PREX1: variants seen among roughly 807,000 people sequenced by gnomAD.
The protein encoded by PREX1 is phosphatidylinositol-3,4,5-trisphosphate dependent Rac exchange factor 1.
PREX1 carries 41 observed loss-of-function variants against 198.3 expected under a neutral mutation model. That is an observed-to-expected ratio of 0.21 (90% CI 0.16 to 0.27). The LOEUF (loss-of-function observed/expected upper bound fraction) is 0.27, where lower values mean the gene tolerates loss of function less well. Ranked by LOEUF, PREX1 falls within the 10% of genes least tolerant of loss-of-function variation. The probability of loss-of-function intolerance (pLI) is 1.00; values close to 1 mark genes in which losing one functional copy is unlikely to be tolerated. For missense variants in PREX1, 1,620 were observed against 2,200.7 expected (o/e 0.74, Z 5.28); for synonymous variants, 843 against 887.2 (o/e 0.95, Z 0.89).
intron 14 of PREX1, 64 bp downstream of exon 14, chr20:48,676,129 C>T (rs1447409824): frequency 6.0e-6 from 9 of 1,494,682 alleles, no homozygotes; most frequent in Non-Finnish European, 8.4e-6. Flanking sequence ...TTAAACAAAA[C>T]AGAAAGCCCC....
the PREX1 span, among the ~76,000 whole-genome samples, chr20:48,879,419 T>C: frequency 1.3e-5 from 2 of 151,344 alleles, no homozygotes; most frequent in African/African-American, 2.5e-5. Flanking sequence ...TAATAGTTGA[T>C]AAACAGTACT....
At chr20:48,702,279 A>G (rs1337432900) in intron 6 of PREX1, among the ~76,000 whole-genome samples, 2 of 152,038 alleles carry the variant, frequency 1.3e-5, no homozygotes, top group East Asian at 1.9e-4. Context: ...GGATCCTTAG[A>G]GCCTGGGATC....
At chr20:48,708,929 T>TTA (rs1380186431) in intron 5 of PREX1, among the ~76,000 whole-genome samples, 1 of 152,180 alleles carries the variant, frequency 6.6e-6, no homozygotes, top group Non-Finnish European at 1.5e-5. Flanking sequence ...CCCGGTTTTC[T>TTA]TATCATAAGA....
At chr20:48,883,718 CTG>C in the PREX1 span, among the ~76,000 whole-genome samples, 6 of 152,140 alleles carry the variant, frequency 3.9e-5, no homozygotes, top group East Asian at 1.2e-3. Flanking sequence ...CTTGAAAACA[CTG>C]TTGAAATATT....
chr20:48,722,419 C>G (rs2089990319), intron 5 of PREX1, among the ~76,000 whole-genome samples: 1 of 152,136 alleles, frequency 6.6e-6, no homozygotes, highest in Non-Finnish European at 1.5e-5. Context: ...CTGACAGAGG[C>G]AGAAAGTAGA....
chr20:48,825,495 T>C (rs1380997123), intron 1 of PREX1, among the ~76,000 whole-genome samples: 1 of 151,408 alleles, frequency 6.6e-6, no homozygotes. Flanking sequence ...TAGAGAAATC[T>C]TTTTTTTTCC....
intron 7 of PREX1, among the ~76,000 whole-genome samples, chr20:48,700,068 G>A (rs544784914): frequency 6.6e-6 from 1 of 152,100 alleles, no homozygotes; most frequent in Non-Finnish European, 1.5e-5. Context: ...ACATGCACCT[G>A]CCTCCATCTA....
chr20:48,764,070 C>CTT (rs1233665997), intron 1 of PREX1, among the ~76,000 whole-genome samples: 1 of 152,214 alleles, frequency 6.6e-6, no homozygotes, highest in African/African-American at 2.4e-5. Context: ...TCCACTCTAA[C>CTT]CCTCTCTTGC....
intron 4 of PREX1, among the ~76,000 whole-genome samples, chr20:48,731,188 G>A (rs945936858): frequency 7.9e-5 from 12 of 151,900 alleles, no homozygotes; most frequent in African/African-American, 2.7e-4. Flanking sequence ...CTTTGCACAC[G>A]CAGGTCATCT....
chr20:48,661,430 AAAAAAAAAAAAAAAAT>A (rs1486161116), intron 15 of PREX1, among the ~76,000 whole-genome samples: 1 of 97,826 alleles, frequency 1.0e-5, no homozygotes, highest in African/African-American at 7.3e-5. Context: ...AAAAAAAAAA[AAAAAAAAAAAAAAAAT>A]ATATATATAT....
At chr20:48,816,265 G>C (rs1403918610) in intron 1 of PREX1, among the ~76,000 whole-genome samples, 1 of 152,154 alleles carries the variant, frequency 6.6e-6, no homozygotes, top group Non-Finnish European at 1.5e-5. Flanking sequence ...ATGGGCTCTG[G>C]AGTAGAATAA....
chr20:48,768,389 A>G, intron 1 of PREX1, among the ~76,000 whole-genome samples: 1 of 152,232 alleles, frequency 6.6e-6, no homozygotes, highest in East Asian at 1.9e-4. Context: ...CATCTCAAAA[A>G]CATGGCCCAA....
At chr20:48,681,458 G>T in intron 10 of PREX1, 123 bp from the exon 11 acceptor site, 2 of 886,688 alleles carry the variant, frequency 2.3e-6, no homozygotes, top group Non-Finnish European at 3.8e-6. Flanking sequence ...CCACAGGGAA[G>T]CCGAGTGTAG....
intron 29 of PREX1, among the ~76,000 whole-genome samples, chr20:48,640,138 T>A (rs1224014109): frequency 6.6e-6 from 1 of 152,102 alleles, no homozygotes; most frequent in Non-Finnish European, 1.5e-5. Flanking sequence ...AGACCAAGAC[T>A]CCCCACAGCT....
At chr20:48,862,790 A>AAATATATATAT in the PREX1 span, among the ~76,000 whole-genome samples, 15 of 102,542 alleles carry the variant, frequency 1.5e-4, no homozygotes, top group Middle Eastern at 4.5e-3. Context: ...TAAAAAAAAA[A>AAATATATATAT]ATATATATAT....
intron 1 of PREX1, among the ~76,000 whole-genome samples, chr20:48,820,072 G>A (rs1479235500): frequency 6.6e-6 from 1 of 152,230 alleles, no homozygotes; most frequent in East Asian, 1.9e-4. Context: ...AGAATCAAGG[G>A]ATCGTCTGTC....
chr20:48,888,002 G>C, the PREX1 span, among the ~76,000 whole-genome samples: 3 of 151,986 alleles, frequency 2.0e-5, no homozygotes, highest in Admixed American at 2.0e-4. Flanking sequence ...CTGGTATTTT[G>C]GGCCAAGCAC....
the PREX1 span, among the ~76,000 whole-genome samples, chr20:48,859,948 G>A: frequency 2.0e-5 from 3 of 152,216 alleles, no homozygotes; most frequent in African/African-American, 4.8e-5. Context: ...AACATGGGAG[G>A]TGGAGGTTGC....
At chr20:48,805,127 C>T (rs956372909) in intron 1 of PREX1, among the ~76,000 whole-genome samples, 12 of 152,318 alleles carry the variant, frequency 7.9e-5, no homozygotes, top group African/African-American at 2.9e-4. Flanking sequence ...GCTGCCAGTG[C>T]CCACCAGCCT....
Sources: allele counts gnomAD v4.1 joint callset (sites outside exome capture counted in the v4.1 genomes callset), GRCh38; gene constraint gnomAD v4.1.1; transcripts MANE v1.5; gene names NCBI Gene and HGNC (gene_info 2026-07-23, HGNC 2026-07-21).